BIN1: variants seen among roughly 807,000 people sequenced by gnomAD.
BIN1 encodes bridging integrator 1.
BIN1 carries 53 observed loss-of-function variants against 82.0 expected under a neutral mutation model. The observed-to-expected ratio is 0.65, with a 90% confidence interval of 0.52 to 0.81. The LOEUF is 0.81. Among genes scored for constraint, BIN1 ranks in the 40% least tolerant of loss-of-function variants. BIN1 has a pLI of 0.00. For missense variants in BIN1, 642 were observed against 784.4 expected, an observed-to-expected ratio of 0.82 and a Z score of 2.17; for synonymous variants, 302 against 328.0, an observed-to-expected ratio of 0.92 and a Z score of 0.86.
At chr2:127,051,101 A>C in intron 16 of BIN1, 53 bp downstream of exon 16, 1 of 1,604,218 alleles carries the variant, frequency 6.2e-7, no homozygotes, top group Non-Finnish European at 8.5e-7. Context: ...AGCCCCGGAC[A>C]GGCAGGCGGG....
Position 127,063,561 on chromosome 2 carries a change from C to CA in BIN1, c.774+9dup, listed in dbSNP as rs1196593252. 13 of 1,613,360 alleles carry CA rather than the reference C, an allele frequency of 8.1e-6. No homozygotes were observed. Among genetic ancestry groups the CA allele is most frequent in the Non-Finnish European group, 1.1e-5 (13 of 1,179,776 alleles). The stretch of plus-strand genomic sequence containing the variant: ...GGGTGTGGCCCCTCAGAGGGGTCCC[C>CA]ATGGCCTACCTTGCTCATCTCCTTG... On this transcript the variant is annotated intron_variant, in intron 9 of 18. Coordinates refer to ENST00000316724, the MANE Select transcript of BIN1 (RefSeq NM_139343.3).
intron 10 of BIN1, 92 bp downstream of exon 10, chr2:127,062,023 G>A (rs1684560322): frequency 1.4e-6 from 2 of 1,456,206 alleles, no homozygotes; most frequent in Non-Finnish European, 1.9e-6. Context: ...AAACCCATGG[G>A]GGACCAGGGA....
chr2:127,086,197 G>A (rs2105233327), intron 1 of BIN1, among the ~76,000 whole-genome samples: 1 of 152,282 alleles, frequency 6.6e-6, no homozygotes, highest in South Asian at 2.1e-4. Flanking sequence ...CAGCTAATGA[G>A]CTCTAGAGCC....
At chr2:127,080,675 C>T (rs984671101) in intron 1 of BIN1, among the ~76,000 whole-genome samples, 1 of 152,218 alleles carries the variant, frequency 6.6e-6, no homozygotes, top group Non-Finnish European at 1.5e-5. Context: ...ACCCAATCAC[C>T]TCCTATCAGA....
chr2:127,084,310 C>A (rs1396936970), intron 1 of BIN1, among the ~76,000 whole-genome samples: 1 of 152,242 alleles, frequency 6.6e-6, no homozygotes, highest in Non-Finnish European at 1.5e-5. Context: ...ACGAGCCTCC[C>A]CTGGTCTTGC....
intron 10 of BIN1, chr2:127,060,500 G>A (rs1027424536): frequency 3.1e-5 from 48 of 1,555,424 alleles, no homozygotes; most frequent in Middle Eastern, 1.8e-4. Context: ...GCCAGATTAC[G>A]GGTTAGTGGC....
At chr2:127,086,650 G>A (rs1380158239) in intron 1 of BIN1, among the ~76,000 whole-genome samples, 12 of 152,068 alleles carry the variant, frequency 7.9e-5, no homozygotes, top group Admixed American at 7.2e-4. Context: ...TGGGACTACA[G>A]GCGCACGTCA....
At position 127,070,769 on chromosome 2, in the gene BIN1, G is replaced by C. The variant is rs560078675; in HGVS notation, c.213C>G (p.Ser71=). ...LQKDLRTYLA[S]VKAMHEASKK... is the part of the protein sequence containing the mutation. ...GCTCTGCCTGCCTCCTACCTTTGAC[G>C]GAGGCCAGGTAGGTCCGGAGATCCT... Residue 71 remains serine, a synonymous_variant, in exon 3 of 19, where the codon TCC becomes TCG. Transcript: ENST00000316724. The C allele has an allele frequency of 1.2e-6, 2 of 1,613,682 alleles. No homozygotes were observed. Among genetic ancestry groups the C allele is most frequent in the Non-Finnish European group, 1.7e-6 (2 of 1,179,988 alleles).
Position 127,064,019 on chromosome 2 carries a change from C to G in BIN1, c.613-1G>C. The stretch of plus-strand genomic sequence containing the variant: ...GGGCTTTGATGAGCTCCTCCTCGGC[C>G]TGGGGGGCAGCACGGGTCATTCCCC... On this transcript the variant is annotated splice_acceptor_variant, in intron 7 of 18. Transcript: ENST00000316724. LOFTEE classifies it high-confidence loss of function. 2 of 1,613,858 alleles carry G rather than the reference C, an allele frequency of 1.2e-6. No homozygotes were observed. The highest frequency in any genetic ancestry group is 1.7e-6 in the Non-Finnish European group (2 of 1,179,992).
chr2:127,068,721 G>A lies in BIN1; in HGVS notation c.519+203C>T, dbSNP rs1195414550. Among the ~76,000 whole-genome samples, 1 of 152,158 alleles carries A rather than the reference G, an allele frequency of 6.6e-6. No individual in the cohort carries two copies. Among genetic ancestry groups the A allele is most frequent in the Non-Finnish European group, 1.5e-5 (1 of 68,006 alleles). ...CAGGGCTGAGGGGCCAGGGTGGCACGGGGGGCAGGAATGGGCCTAGGGTGG... is the reference window on the plus strand; with the variant it reads ...CAGGGCTGAGGGGCCAGGGTGGCACAGGGGGCAGGAATGGGCCTAGGGTGG... On this transcript the variant is annotated intron_variant, in intron 6 of 18. Coordinates refer to ENST00000316724, the MANE Select transcript of BIN1 (RefSeq NM_139343.3). The surrounding 1 kb of genome is among the most constrained non-coding windows in gnomAD (Gnocchi z 4.9).
chr2:127,060,627 G>A, intron 10 of BIN1: 1 of 1,614,228 alleles, frequency 6.2e-7, no homozygotes. Context: ...CGCGAAAACA[G>A]TTTACTTTTC....
At chr2:127,092,266 C>T (rs1679036577) in intron 1 of BIN1, among the ~76,000 whole-genome samples, 1 of 152,178 alleles carries the variant, frequency 6.6e-6, no homozygotes, top group Non-Finnish European at 1.5e-5. Context: ...ATGTGAAGGG[C>T]TAGAGGGACA....
intron 1 of BIN1, among the ~76,000 whole-genome samples, chr2:127,092,313 C>G (rs544962541): frequency 1.3e-5 from 2 of 152,174 alleles, no homozygotes; most frequent in Non-Finnish European, 2.9e-5. Context: ...CCTCCCCACC[C>G]GATTAAGGAT....
In BIN1 at chr2:127,050,974, G is replaced by A. The variant is rs748667501; in HGVS notation, c.1462-62C>T. 1.9e-5 allele frequency: 30 copies of A among 1,551,094 alleles called. No homozygotes were observed. In the Admixed American group the frequency reaches 2.0e-4, roughly 10 times the overall value. ...TGGTCCAGGGACAGCCAGGGCCACC[G>A]AGGAGAAGAGGGGCGGGGAGGGGAG... On this transcript the variant is annotated intron_variant, in intron 16 of 18. Transcript: ENST00000316724.
At chr2:127,064,421 C>A (rs1044697802) in intron 7 of BIN1, among the ~76,000 whole-genome samples, 4 of 152,218 alleles carry the variant, frequency 2.6e-5, no homozygotes, top group Admixed American at 1.3e-4. Flanking sequence ...TAGGTGCCAG[C>A]CCTGCCACTG....
In BIN1 at chr2:127,059,089, G is replaced by A. The variant is rs367611371; in HGVS notation, c.924C>T (p.Pro308=). The change falls in exon 11 of 19, where the codon CCC becomes CCT. Residue 308 remains proline (P), a synonymous_variant. Transcript: ENST00000316724. This position sits in a 1 kb window ranked among gnomAD's most constrained non-coding sequence, Gnocchi z 6.7. Reference sequence around the variant, plus strand: ...CTGGCTCGTGGTTGACTCTGATCTCGGGGGTGGCGGCAGGGGAGCCATCTG... The same window carrying A: ...CTGGCTCGTGGTTGACTCTGATCTCAGGGGTGGCGGCAGGGGAGCCATCTG... ...SPPDGSPAAT[P]EIRVNHEPEP... 237 of 1,592,304 alleles carry A rather than the reference G, an allele frequency of 1.5e-4. No homozygotes were observed. The highest frequency in any genetic ancestry group is 4.5e-4 in the East Asian group (20 of 44,088).
intron 18 of BIN1, 43 bp downstream of exon 18, chr2:127,050,378 C>A (rs1227674807): frequency 6.2e-7 from 1 of 1,603,112 alleles, no homozygotes; most frequent in Non-Finnish European, 8.5e-7. Context: ...AGCCAGGATG[C>A]CTGTGGTCCC....
intron 12 of BIN1, chr2:127,056,009 T>G (rs1683617981): frequency 6.6e-6 from 1 of 152,228 alleles, no homozygotes; most frequent in African/African-American, 2.4e-5. Context: ...GCGGGTGGTC[T>G]CTGCACCACC....
In BIN1 at chr2:127,057,625, G is replaced by C. The variant is rs945630409; in HGVS notation, c.1003-24C>G. ...AGCTGTGGGTCGGCGGCGGGTGAGGGGCCGCGCGGGAAGGCACAGCAGAGC... is the reference window on the plus strand; with the variant it reads ...AGCTGTGGGTCGGCGGCGGGTGAGGCGCCGCGCGGGAAGGCACAGCAGAGC... On this transcript the variant is annotated intron_variant, in intron 11 of 18. Coordinates refer to ENST00000316724, the MANE Select transcript of BIN1 (RefSeq NM_139343.3). This position sits in a 1 kb window ranked among gnomAD's most constrained non-coding sequence, Gnocchi z 5.0. 3 of 1,500,984 alleles carry C rather than the reference G, an allele frequency of 2.0e-6. No homozygotes were observed. The highest frequency in any genetic ancestry group is 2.7e-6 in the Non-Finnish European group (3 of 1,118,134). The allele number at this position is 1,500,984 out of a possible 1,614,324, so 93.0% of individuals were successfully genotyped here. A position where few individuals can be genotyped will look rare whatever the true frequency, so the allele number is the denominator to read the frequency against.
Sources: gnomAD v4.1 joint callset for allele counts (sites outside exome capture counted in the v4.1 genomes callset) on GRCh38, gnomAD v4.1.1 for gene constraint, Gnocchi (gnomAD v3.1) non-coding constraint, MANE v1.5 for transcripts, NCBI Gene and HGNC (gene_info 2026-07-23, HGNC 2026-07-21) for gene names.